The following UGT2B10 variants were observed in gnomAD, a reference collection of about 807,000 sequenced individuals.
The protein encoded by UGT2B10 is UDP-glucuronosyltransferase 2B10.
UGT2B10 carries 51 observed loss-of-function variants against 43.7 expected under a neutral mutation model. The ratio of observed to expected loss-of-function variants is 1.17; its 90% CI spans 0.93 to 1.47. The LOEUF (loss-of-function observed/expected upper bound fraction) is 1.47. UGT2B10 is among the 40% of genes most tolerant of loss of function. The pLI is 0.00. For missense variants in UGT2B10, 696 were observed against 617.7 expected, an observed-to-expected ratio of 1.13 and a Z score of -1.34; for synonymous variants, 225 against 209.0, an observed-to-expected ratio of 1.08 and a Z score of -0.66.
chr4:68,826,295 G>C, intron 3 of UGT2B10, 115 bp from the exon 4 acceptor site: 1 of 1,142,362 alleles, frequency 8.8e-7, no homozygotes, highest in Non-Finnish European at 1.2e-6. Flanking sequence ...ATCAGTCTTT[G>C]AGTAGATTTA....
intron 2 of UGT2B10, among the ~76,000 whole-genome samples, chr4:68,820,589 A>T (rs1448556933): frequency 6.6e-6 from 1 of 152,056 alleles, no homozygotes; most frequent in African/African-American, 2.4e-5. Context: ...ATGTTCAATT[A>T]TGCTGTCAGC....
chr4:68,822,374 C>T lies in UGT2B10; in HGVS notation c.971C>T (p.Ala324Val), dbSNP rs1737551602. ...NMTEERANVI[A>V]TALAKIPQKV... ...ACAGAAGAAAGGGCCAACGTAATTG[C>T]AACAGCCCTTGCCAAGATCCCACAA... Residue 324 changes from alanine (A) to valine (V), a missense_variant, in exon 3 of 6, where the codon GCA becomes GTA. Physicochemically the swap from Ala to Val is moderately conservative, Grantham distance 64. Transcript: ENST00000265403. 1 of 1,613,688 alleles carries T rather than the reference C, an allele frequency of 6.2e-7. No individual in the cohort carries two copies.
intron 5 of UGT2B10, among the ~76,000 whole-genome samples, chr4:68,828,355 G>A (rs77953023): frequency 0.087 from 13,187 of 151,474 alleles, 605 homozygotes; most frequent in African/African-American, 0.11. Context: ...ATATAGATAC[G>A]TCATAATTTA....
rs1421394263 is a variant in UGT2B10, at chr4:68,816,228, C to T, written c.209C>T (p.Thr70Ile). ...CTTTTTGATCCCAACGACTCATCCA[C>T]TCTTAAACTTGAAGTTTATCCTACA... ...SILFDPNDSS[T>I]LKLEVYPTSL... The change falls in exon 1 of 6, where the codon ACT becomes ATT. Residue 70 changes from threonine (T) to isoleucine (I), a missense_variant. Coordinates refer to ENST00000265403, the MANE Select transcript of UGT2B10 (RefSeq NM_001075.6). 6.2e-7 allele frequency: 1 copy of T among 1,613,264 alleles called. No individual in the cohort carries two copies. Among genetic ancestry groups the T allele is most frequent in the South Asian group, 1.1e-5 (1 of 91,066 alleles).
intron 5 of UGT2B10, among the ~76,000 whole-genome samples, chr4:68,829,644 C>T (rs1423402311): frequency 6.6e-6 from 1 of 151,638 alleles, no homozygotes; most frequent in Non-Finnish European, 1.5e-5. Context: ...TAGAGGGAAG[C>T]CACAAAAAGG....
intron 2 of UGT2B10, 92 bp from the exon 3 acceptor site, chr4:68,822,179 T>A: frequency 6.5e-7 from 1 of 1,530,776 alleles, no homozygotes; most frequent in South Asian, 1.2e-5. Flanking sequence ...AATACTTGAT[T>A]TTCTCTCTTT....
At chr4:68,823,622 T>C (rs1252850611) in intron 3 of UGT2B10, among the ~76,000 whole-genome samples, 5 of 152,294 alleles carry the variant, frequency 3.3e-5, no homozygotes, top group Non-Finnish European at 7.3e-5. Context: ...TACTTCAGCA[T>C]AGGGAACAAA....
rs1306435232 is a variant in UGT2B10, at chr4:68,816,718, G to C, written c.699G>C (p.Gln233His). The change falls in exon 1 of 6, where the codon CAG becomes CAC. Residue 233 changes from glutamine (Q) to histidine (H), a missense_variant. By Grantham distance (24) the Gln-to-His change is conservative (BLOSUM62 0). Transcript: ENST00000265403. ...FQIFNMKKWD[Q>H]FYSEVLGRPT... ...TATTTAATATGAAGAAGTGGGATCA[G>C]TTTTACAGTGAAGTTTTAGGTAAGA... is the stretch of plus-strand genomic sequence containing the variant. 6.2e-7 allele frequency: 1 copy of C among 1,600,698 alleles called. No homozygotes were observed. Among genetic ancestry groups the C allele is most frequent in the Non-Finnish European group, 8.5e-7 (1 of 1,174,092 alleles).
At chr4:68,824,689 A>G (rs1299303459) in intron 3 of UGT2B10, among the ~76,000 whole-genome samples, 2 of 152,186 alleles carry the variant, frequency 1.3e-5, no homozygotes, top group South Asian at 4.1e-4. Context: ...TGTTCAGTTT[A>G]TGAGGATTGC....
At chr4:68,818,778 G>C (rs1737351784) in intron 2 of UGT2B10, among the ~76,000 whole-genome samples, 1 of 151,892 alleles carries the variant, frequency 6.6e-6, no homozygotes, top group Admixed American at 6.6e-5. Flanking sequence ...GGTCAGGACA[G>C]TTCTCAAGTC....
At chr4:68,821,136 A>G (rs1275899553) in intron 2 of UGT2B10, among the ~76,000 whole-genome samples, 3 of 152,210 alleles carry the variant, frequency 2.0e-5, no homozygotes, top group Non-Finnish European at 4.4e-5. Context: ...ACGTTCTGCC[A>G]TATGTGGTGC....
intron 5 of UGT2B10, 24 bp from the exon 6 acceptor site, chr4:68,830,576 G>A (rs369676904): frequency 6.0e-5 from 96 of 1,590,556 alleles, no homozygotes; most frequent in South Asian, 5.9e-4. Context: ...TTTCAGTGTC[G>A]GTATCTTTAT....
rs1737847832 is a variant in UGT2B10, at chr4:68,827,470, C to A, written c.1229C>A (p.Ala410Glu). The change falls in exon 5 of 6, where the codon GCA (alanine) becomes GAA (glutamate). Residue 410 changes from alanine (A) to glutamate (E), a missense_variant. Transcript: ENST00000265403. The part of the protein sequence containing the change: ...DNIAHMKAKG[A>E]AVRVDFNTMS... Reference sequence around the variant, plus strand: ...ATTGCTCACATGAAGGCCAAGGGAGCAGCTGTTAGAGTGGACTTCAACACA... The same window carrying A: ...ATTGCTCACATGAAGGCCAAGGGAGAAGCTGTTAGAGTGGACTTCAACACA... 2 of 1,613,368 alleles carry A rather than the reference C, an allele frequency of 1.2e-6. No individual in the cohort carries two copies. Among genetic ancestry groups the A allele is most frequent in the African/African-American group, 1.3e-5 (1 of 74,848 alleles).
In UGT2B10 at chr4:68,826,334, A is replaced by G. The variant is rs544686553; in HGVS notation, c.1000-76A>G. ...ACTAACATCCCTTGATTTCATTTCT[A>G]CTCTTTTTACAGTTCTAACATTTTA... On this transcript the variant is annotated intron_variant, in intron 3 of 5. Coordinates refer to ENST00000265403, the MANE Select transcript of UGT2B10 (RefSeq NM_001075.6). 6.9e-6 allele frequency: 10 copies of G among 1,458,008 alleles called. No individual in the cohort carries two copies. In the East Asian group the frequency reaches 1.2e-4, roughly 17 times the overall value. The allele number at this position is 1,458,008 out of a possible 1,614,324, so 90.3% of individuals were successfully genotyped here.
In UGT2B10 at chr4:68,823,686, A is replaced by T. The variant is rs187011749; in HGVS notation, c.999+1284A>T. ...GTATGGTAAGTTTTTAAAATTTTTT[A>T]AAATAAACTTTATGAATATGACAAA... is the stretch of plus-strand genomic sequence containing the variant. On this transcript the variant is annotated intron_variant, in intron 3 of 5. Coordinates refer to ENST00000265403, the MANE Select transcript of UGT2B10 (RefSeq NM_001075.6). 9.3e-4 allele frequency among the ~76,000 whole-genome samples: 142 copies of T among 152,274 alleles called. 2 individuals carry two copies. The highest frequency in any genetic ancestry group is 3.4e-3 in the Middle Eastern group (1 of 294).
At chr4:68,827,705 T>TA (rs1403916116) in intron 5 of UGT2B10, among the ~76,000 whole-genome samples, 157 bp downstream of exon 5, 1 of 152,072 alleles carries the variant, frequency 6.6e-6, no homozygotes, top group Non-Finnish European at 1.5e-5. Context: ...ATCTGTTATT[T>TA]AAAAATTGTA....
intron 3 of UGT2B10, 26 bp downstream of exon 3, chr4:68,822,428 G>C (rs1240765023): frequency 1.9e-6 from 3 of 1,610,430 alleles, no homozygotes; most frequent in Non-Finnish European, 2.5e-6. Context: ...TTACTGGTGT[G>C]GAAAACTACT....
intron 3 of UGT2B10, among the ~76,000 whole-genome samples, chr4:68,825,535 A>G (rs1737730377): frequency 6.6e-6 from 1 of 151,994 alleles, no homozygotes; most frequent in South Asian, 2.1e-4. Context: ...GTTGCCTTCT[A>G]TGTGTACATG....
Position 68,822,382 on chromosome 4 carries a change from C to A in UGT2B10, c.979C>A (p.Leu327Ile), listed in dbSNP as rs587715482. 1.2e-6 allele frequency: 2 copies of A among 1,613,522 alleles called. No homozygotes were observed. The highest frequency in any genetic ancestry group is 1.7e-6 in the Non-Finnish European group (2 of 1,179,792). The change falls in exon 3 of 6, where the codon CTT becomes ATT. Residue 327 changes from leucine (L) to isoleucine (I), a missense_variant. Transcript: ENST00000265403. ...AAGGGCCAACGTAATTGCAACAGCCCTTGCCAAGATCCCACAAAAGGTAAG... is the reference window on the plus strand; with the variant it reads ...AAGGGCCAACGTAATTGCAACAGCCATTGCCAAGATCCCACAAAAGGTAAG... ...EERANVIATA[L>I]AKIPQKVLWR...
Sources: allele counts gnomAD v4.1 joint callset (sites outside exome capture counted in the v4.1 genomes callset), GRCh38; gene constraint gnomAD v4.1.1; transcripts MANE v1.5; gene names NCBI Gene and HGNC (gene_info 2026-07-23, HGNC 2026-07-21).